The following ASAP1 variants were observed in gnomAD, a reference collection of about 807,000 sequenced individuals.
The protein encoded by ASAP1 is ArfGAP with SH3 domain, ankyrin repeat and PH domain 1, also known as arf-GAP with SH3 domain, ANK repeat and PH domain-containing protein 1.
Under a neutral mutation model 145.2 loss-of-function variants are expected in ASAP1, and 43 were observed. That is an observed-to-expected ratio of 0.30 (90% CI 0.23 to 0.38). The LOEUF is 0.38. Among genes scored for constraint, ASAP1 ranks in the 10% least tolerant of loss-of-function variants. ASAP1 has a pLI of 1.00. For synonymous variants in ASAP1, 546 were observed against 515.5 expected (o/e 1.06, Z -0.80); for missense variants, 1,018 against 1,355.3 (o/e 0.75, Z 3.91).
chr8:130,335,209 G>A (rs1824955263), intron 3 of ASAP1, among the ~76,000 whole-genome samples: 1 of 152,160 alleles, frequency 6.6e-6, no homozygotes, highest in Admixed American at 6.5e-5. Flanking sequence ...TTCATTTGAT[G>A]ACACTGATCA....
At chr8:130,212,723 A>G (rs768520003) in intron 5 of ASAP1, among the ~76,000 whole-genome samples, 1 of 152,206 alleles carries the variant, frequency 6.6e-6, no homozygotes, top group Non-Finnish European at 1.5e-5. Context: ...GAGACAAACA[A>G]ATGTATTAGG....
chr8:130,231,587 T>G (rs1333753456), intron 4 of ASAP1, among the ~76,000 whole-genome samples: 1 of 152,150 alleles, frequency 6.6e-6, no homozygotes, highest in Non-Finnish European at 1.5e-5. Flanking sequence ...AAGCCAACAC[T>G]TTAACACAGA....
chr8:130,177,915 T>G (rs901063726), intron 9 of ASAP1, among the ~76,000 whole-genome samples: 1 of 152,168 alleles, frequency 6.6e-6, no homozygotes, highest in Non-Finnish European at 1.5e-5. Context: ...AACCCTAAGG[T>G]GGTTGCTACA....
intron 3 of ASAP1, among the ~76,000 whole-genome samples, chr8:130,270,140 A>G (rs1191895812): frequency 6.6e-6 from 1 of 152,216 alleles, no homozygotes; most frequent in East Asian, 1.9e-4. Context: ...ACTGCACTCC[A>G]GCCTGCGTGA....
intron 3 of ASAP1, among the ~76,000 whole-genome samples, chr8:130,322,799 G>GCACTAA (rs1476064662): frequency 6.6e-6 from 1 of 152,186 alleles, no homozygotes; most frequent in Non-Finnish European, 1.5e-5. Flanking sequence ...CTAACAAAGG[G>GCACTAA]CAGAATGTGG....
intron 13 of ASAP1, among the ~76,000 whole-genome samples, chr8:130,152,346 C>G (rs944891010): frequency 5.3e-5 from 8 of 152,224 alleles, no homozygotes; most frequent in African/African-American, 1.9e-4. Context: ...GCAAAACTTA[C>G]TGTGCACTTC....
intron 12 of ASAP1, among the ~76,000 whole-genome samples, chr8:130,153,493 C>CAGAGT (rs113790805): frequency 0.053 from 8,048 of 151,086 alleles, 277 homozygotes; most frequent in Middle Eastern, 0.078. Flanking sequence ...CCTCAACCTC[C>CAGAGT]AGAGTAGCTG....
intron 27 of ASAP1, among the ~76,000 whole-genome samples, chr8:130,067,288 T>A (rs1592723986): frequency 6.6e-6 from 1 of 152,310 alleles, no homozygotes; most frequent in African/African-American, 2.4e-5. Context: ...GGTGGTCACA[T>A]CTACATGTAG....
At chr8:130,089,841 A>C (rs2097501831) in intron 25 of ASAP1, among the ~76,000 whole-genome samples, 2 of 152,260 alleles carry the variant, frequency 1.3e-5, no homozygotes, top group African/African-American at 4.8e-5. Flanking sequence ...AAATTTAAAA[A>C]AAAATTTAAA....
At chr8:130,117,446 G>A (rs1319380615) in intron 20 of ASAP1, among the ~76,000 whole-genome samples, 1 of 152,114 alleles carries the variant, frequency 6.6e-6, no homozygotes, top group African/African-American at 2.4e-5. Context: ...GAAGAAACCT[G>A]GACTTTTATA....
At chr8:130,094,750 C>G (rs762062383) in intron 24 of ASAP1, among the ~76,000 whole-genome samples, 19 of 152,204 alleles carry the variant, frequency 1.2e-4, no homozygotes, top group Non-Finnish European at 2.4e-4. Context: ...GCAGCATTTC[C>G]TGTGCTTGGC....
chr8:130,428,635 G>GTCA (rs574586997), intron 1 of ASAP1, among the ~76,000 whole-genome samples: 1 of 120,126 alleles, frequency 8.3e-6, no homozygotes, highest in South Asian at 2.8e-4. Flanking sequence ...CACCACCACT[G>GTCA]TCATCATCAC....
chr8:130,183,684 TA>T (rs1258225411), intron 7 of ASAP1, among the ~76,000 whole-genome samples: 1 of 152,170 alleles, frequency 6.6e-6, no homozygotes, highest in African/African-American at 2.4e-5. Flanking sequence ...ACCACTTTTA[TA>T]AAAATGATTT....
intron 1 of ASAP1, among the ~76,000 whole-genome samples, chr8:130,409,768 A>C (rs1829185839): frequency 6.6e-6 from 1 of 152,260 alleles, no homozygotes; most frequent in South Asian, 2.1e-4. Flanking sequence ...AGAAGAGGTC[A>C]CTGTGAAGGA....
chr8:130,136,880 G>A lies in ASAP1; in HGVS notation c.1168+71C>T, dbSNP rs558177973. On this transcript the variant is annotated intron_variant, in intron 14 of 29. Transcript: ENST00000518721. ...AGGAGCCCTGCTTGGAAAAGCTGCT[G>A]ACCTGGAGAATGGAAATGTGCAGGT... The A allele has an allele frequency of 9.5e-5, 124 of 1,308,890 alleles. 1 individual carries two copies. The African/African-American group carries it at 1.3e-3, about 13-fold the overall frequency. The allele number at this position is 1,308,890 out of a possible 1,614,324, so 81.1% of individuals were successfully genotyped here. A position where few individuals can be genotyped will look rare whatever the true frequency, so the allele number is the denominator to read the frequency against.
Position 130,052,762 on chromosome 8 carries a change from A to G in ASAP1, c.*1969T>C, listed in dbSNP as rs2097395829. 7.9e-6 allele frequency: 1 copy of G among 126,950 alleles called. No homozygotes were observed. 7.9% of individuals were successfully genotyped at this position (126,950 alleles called of 1,614,324 possible). A position where few individuals can be genotyped will look rare whatever the true frequency, so the allele number is the denominator to read the frequency against. ...TTTTTTTTTTTTTTTGAAAAAAACC[A>G]GTTTATTTTGAGATCAGTGAAAAGA... On this transcript the variant is annotated 3_prime_UTR_variant, in exon 30 of 30. Transcript: ENST00000518721.
chr8:130,120,579 G>C (rs984301896), intron 18 of ASAP1, among the ~76,000 whole-genome samples: 4 of 152,186 alleles, frequency 2.6e-5, no homozygotes, highest in Non-Finnish European at 5.9e-5. Context: ...GTTGCGGGGA[G>C]GTAGATCTTA....
chr8:130,413,685 A>G (rs920554998), intron 1 of ASAP1, among the ~76,000 whole-genome samples: 1 of 152,188 alleles, frequency 6.6e-6, no homozygotes, highest in Admixed American at 6.5e-5. Context: ...CTGTGCCTGC[A>G]TAAAGTTTCA....
intron 25 of ASAP1, among the ~76,000 whole-genome samples, chr8:130,080,760 G>C (rs2097477839): frequency 6.6e-6 from 1 of 152,082 alleles, no homozygotes; most frequent in African/African-American, 2.4e-5. Flanking sequence ...AGCCTCCTGA[G>C]TAGCTGGGAC....
Sources: allele counts gnomAD v4.1 joint callset (sites outside exome capture counted in the v4.1 genomes callset), GRCh38; gene constraint gnomAD v4.1.1; transcripts MANE v1.5; gene names NCBI Gene and HGNC (gene_info 2026-07-23, HGNC 2026-07-21).